Variants in ADAM9 observed in about 807,000 individuals in gnomAD.
ADAM9 encodes the protein disintegrin and metalloproteinase domain-containing protein 9.
Under a neutral mutation model 108.1 loss-of-function variants are expected in ADAM9, and 54 were observed. The ratio of observed to expected loss-of-function variants is 0.50; its 90% CI spans 0.40 to 0.63. The LOEUF (loss-of-function observed/expected upper bound fraction) is 0.63. ADAM9 is among the 20% of genes least tolerant of loss of function. The probability of loss-of-function intolerance (pLI) is 0.00; values close to 1 mark genes in which losing one functional copy is unlikely to be tolerated. For synonymous variants in ADAM9, 316 were observed against 336.0 expected (o/e 0.94, Z 0.65); for missense variants, 830 against 997.7 (o/e 0.83, Z 2.26).
intron 11 of ADAM9, among the ~76,000 whole-genome samples, chr8:39,038,831 T>A (rs1342376983): frequency 6.6e-6 from 1 of 152,250 alleles, no homozygotes; most frequent in Non-Finnish European, 1.5e-5. Context: ...ATGTTTTCTT[T>A]CCGTGAGTCA....
chr8:39,008,118 A>G (rs1836223201), intron 2 of ADAM9, 135 bp downstream of exon 2: 1 of 672,332 alleles, frequency 1.5e-6, no homozygotes, highest in Non-Finnish European at 2.6e-6. Flanking sequence ...ACCATATGGT[A>G]CTGATGTCCC....
At chr8:39,058,310 G>T (rs1051360865) in intron 14 of ADAM9, among the ~76,000 whole-genome samples, 2 of 152,162 alleles carry the variant, frequency 1.3e-5, no homozygotes, top group African/African-American at 4.8e-5. Flanking sequence ...TCATGTGGTT[G>T]TAGCTGGTAT....
chr8:39,104,558 A>G lies in ADAM9; in HGVS notation c.*858A>G, dbSNP rs1839806097. ...AAGCAGGAGCAATTATAAAATCTTC[A>G]ATCAATTGAACTTTTACAAAACCAC... On this transcript the variant is annotated 3_prime_UTR_variant, in exon 22 of 22. Transcript: ENST00000487273. 2.5e-6 allele frequency: 1 copy of G among 397,304 alleles called. No individual in the cohort carries two copies. Among genetic ancestry groups the G allele is most frequent in the African/African-American group, 2.1e-5 (1 of 47,432 alleles). 24.6% of individuals were successfully genotyped at this position (397,304 alleles called of 1,614,324 possible).
At chr8:39,008,686 A>G (rs974497598) in intron 2 of ADAM9, among the ~76,000 whole-genome samples, 3 of 152,158 alleles carry the variant, frequency 2.0e-5, no homozygotes, top group Non-Finnish European at 4.4e-5. Flanking sequence ...ACTTTATACT[A>G]TATCTTCACT....
intron 14 of ADAM9, among the ~76,000 whole-genome samples, chr8:39,068,349 A>G (rs1359494435): frequency 6.6e-6 from 1 of 152,050 alleles, no homozygotes; most frequent in African/African-American, 2.4e-5. Flanking sequence ...TCCCTTGTGA[A>G]GACCTTATCT....
In ADAM9 at chr8:39,070,003, A is replaced by T. The variant is rs1048552233; in HGVS notation, c.1592-1295A>T. 5.5e-5 allele frequency among the ~76,000 whole-genome samples: 7 copies of T among 127,360 alleles called. No individual in the cohort carries two copies. In the East Asian group the frequency reaches 1.0e-3, roughly 18 times the overall value. The allele number at this position is 127,360 out of a possible 152,430, so 83.6% of individuals were successfully genotyped here. A position where few individuals can be genotyped will look rare whatever the true frequency, so the allele number is the denominator to read the frequency against. ...CTAAAAAAAAAAAAAAAAAAAAAAA[A>T]TTAGTCAAGTGTGGTGGTGCATGCC... is the stretch of plus-strand genomic sequence containing the variant. On this transcript the variant is annotated intron_variant, in intron 14 of 21. Coordinates refer to ENST00000487273, the MANE Select transcript of ADAM9 (RefSeq NM_003816.3).
chr8:39,061,634 A>T (rs1000884708), intron 14 of ADAM9, among the ~76,000 whole-genome samples: 5 of 152,152 alleles, frequency 3.3e-5, no homozygotes, highest in Admixed American at 6.5e-5. Context: ...TGGCTTCTGG[A>T]GGCTGGGAAG....
At chr8:39,010,911 G>A (rs1836334045) in intron 2 of ADAM9, among the ~76,000 whole-genome samples, 1 of 152,094 alleles carries the variant, frequency 6.6e-6, no homozygotes. Context: ...TTACCAATGT[G>A]GTGAAACCCC....
intron 15 of ADAM9, chr8:39,076,254 T>G (rs1431186200): frequency 1.3e-5 from 2 of 152,186 alleles, no homozygotes; most frequent in Non-Finnish European, 2.9e-5. Flanking sequence ...GAAAAGTGAT[T>G]GTAGGATAGT....
At chr8:39,009,380 C>T (rs1836270865) in intron 2 of ADAM9, among the ~76,000 whole-genome samples, 1 of 152,200 alleles carries the variant, frequency 6.6e-6, no homozygotes, top group Non-Finnish European at 1.5e-5. Flanking sequence ...GCTGGGACTA[C>T]AGGCATGTGC....
intron 6 of ADAM9, among the ~76,000 whole-genome samples, chr8:39,017,800 C>G (rs1408312519): frequency 6.6e-6 from 1 of 151,942 alleles, no homozygotes; most frequent in East Asian, 1.9e-4. Context: ...ATTACATTAC[C>G]CAGGCTGGTC....
intron 11 of ADAM9, among the ~76,000 whole-genome samples, chr8:39,041,651 TA>T (rs1256739795): frequency 1.3e-5 from 2 of 152,224 alleles, no homozygotes; most frequent in Non-Finnish European, 2.9e-5. Flanking sequence ...AAATAATTTT[TA>T]AAGTCTCTTC....
intron 12 of ADAM9, among the ~76,000 whole-genome samples, chr8:39,048,117 C>G (rs981057714): frequency 6.6e-6 from 1 of 152,006 alleles, no homozygotes; most frequent in East Asian, 1.9e-4. Context: ...GATGGGGTTT[C>G]GCCATGTTGG....
intron 1 of ADAM9, among the ~76,000 whole-genome samples, chr8:39,001,825 A>C (rs1836001931): frequency 6.6e-6 from 1 of 151,966 alleles, no homozygotes; most frequent in Non-Finnish European, 1.5e-5. Flanking sequence ...GTGCGCCACC[A>C]CACCTGGCTA....
intron 12 of ADAM9, among the ~76,000 whole-genome samples, chr8:39,052,430 A>G (rs1484517651): frequency 6.6e-6 from 1 of 152,036 alleles, no homozygotes; most frequent in African/African-American, 2.4e-5. Flanking sequence ...CATAGGTTAC[A>G]TTTTATGTTG....
intron 18 of ADAM9, among the ~76,000 whole-genome samples, chr8:39,089,549 A>G (rs371220511): frequency 2.0e-5 from 3 of 152,250 alleles, no homozygotes; most frequent in South Asian, 2.1e-4. Flanking sequence ...ATGATACAAC[A>G]TATGTGCAAG....
intron 18 of ADAM9, among the ~76,000 whole-genome samples, chr8:39,086,562 A>G (rs1031406927): frequency 1.1e-4 from 17 of 152,206 alleles, no homozygotes; most frequent in African/African-American, 3.9e-4. Flanking sequence ...CAGTTGTAAT[A>G]ACTGCTAATG....
chr8:39,067,992 G>T (rs574374747), intron 14 of ADAM9, among the ~76,000 whole-genome samples: 2 of 152,166 alleles, frequency 1.3e-5, no homozygotes, highest in Admixed American at 1.3e-4. Context: ...TTCTGCATCT[G>T]TTGAGATAAC....
chr8:39,059,217 G>A (rs6474521), intron 14 of ADAM9, among the ~76,000 whole-genome samples: 121,147 of 152,192 alleles, frequency 0.8, 48,436 homozygotes, highest in East Asian at 0.95. Context: ...TAGTTCACAG[G>A]AGTGTTGCTA....
Sources: allele counts gnomAD v4.1 joint callset (sites outside exome capture counted in the v4.1 genomes callset), GRCh38; gene constraint gnomAD v4.1.1; transcripts MANE v1.5; gene names NCBI Gene and HGNC (gene_info 2026-07-23, HGNC 2026-07-21).